The following CAPZB variants were observed in gnomAD, a reference collection of about 807,000 sequenced individuals.
CAPZB encodes the protein capping actin protein of muscle Z-line subunit beta.
A neutral mutation model predicts 38.1 loss-of-function variants in CAPZB; 2 were observed. That is an observed-to-expected ratio of 0.05 (90% CI 0.02 to 0.17). The LOEUF (loss-of-function observed/expected upper bound fraction) is 0.17, where lower values mean the gene tolerates loss of function less well. Among genes scored for constraint, CAPZB ranks in the 10% least tolerant of loss-of-function variants. The probability of loss-of-function intolerance (pLI) is 1.00; values close to 1 mark genes in which losing one functional copy is unlikely to be tolerated. For missense variants in CAPZB, 161 were observed against 334.2 expected (o/e 0.48, Z 4.04); for synonymous variants, 107 against 127.4 (o/e 0.84, Z 1.08).
intron 1 of CAPZB, among the ~76,000 whole-genome samples, chr1:19,449,902 G>A (rs564797308): frequency 3.3e-5 from 5 of 151,866 alleles, no homozygotes; most frequent in Non-Finnish European, 5.9e-5. Flanking sequence ...GCACTTTGAG[G>A]GGCTGAGTCA....
chr1:19,353,980 C>CT (rs2094006227), intron 6 of CAPZB, among the ~76,000 whole-genome samples: 1 of 152,254 alleles, frequency 6.6e-6, no homozygotes, highest in Admixed American at 6.5e-5. Flanking sequence ...ACTGAGCTGA[C>CT]TGCTCCATGC....
intron 1 of CAPZB, among the ~76,000 whole-genome samples, chr1:19,477,991 G>A (rs1427042545): frequency 3.3e-5 from 5 of 152,212 alleles, no homozygotes; most frequent in Non-Finnish European, 7.3e-5. Context: ...ATAAGATACC[G>A]AGCCTAACTC....
chr1:19,391,358 T>A (rs2094233750), intron 2 of CAPZB, among the ~76,000 whole-genome samples: 1 of 152,186 alleles, frequency 6.6e-6, no homozygotes. Flanking sequence ...CTCGGTTTTT[T>A]AAAAAATGGC....
At chr1:19,437,074 TATG>T (rs547868441) in intron 1 of CAPZB, among the ~76,000 whole-genome samples, 128 of 152,360 alleles carry the variant, frequency 8.4e-4, no homozygotes, top group African/African-American at 2.9e-3. Flanking sequence ...GGATGGCTGA[TATG>T]ATGATTCTTT....
chr1:19,380,808 G>A (rs10917434), intron 3 of CAPZB, among the ~76,000 whole-genome samples: 44,980 of 151,966 alleles, frequency 0.3, 6,971 homozygotes, highest in Middle Eastern at 0.37. Context: ...TCTTCTCTTC[G>A]GGTTGCTCAG....
At chr1:19,427,432 C>G (rs957956125) in intron 1 of CAPZB, among the ~76,000 whole-genome samples, 1 of 152,198 alleles carries the variant, frequency 6.6e-6, no homozygotes, top group Non-Finnish European at 1.5e-5. Flanking sequence ...GAATGACTTA[C>G]CACAAATTTA....
chr1:19,376,380 G>A (rs546243617), intron 4 of CAPZB, among the ~76,000 whole-genome samples: 41 of 152,316 alleles, frequency 2.7e-4, no homozygotes, highest in African/African-American at 9.6e-4. Flanking sequence ...ATCCTGAGAT[G>A]GCTCCCAAGA....
intron 1 of CAPZB, among the ~76,000 whole-genome samples, chr1:19,474,064 C>T (rs1405066374): frequency 1.3e-5 from 2 of 151,736 alleles, no homozygotes; most frequent in East Asian, 1.9e-4. Context: ...GATGTGATCT[C>T]GGCTCACTGC....
intron 1 of CAPZB, among the ~76,000 whole-genome samples, chr1:19,470,464 C>T (rs563381684): frequency 5.9e-5 from 9 of 152,282 alleles, no homozygotes; most frequent in Non-Finnish European, 1.2e-4. Flanking sequence ...CTCACAATGT[C>T]CTATTTGGAA....
chr1:19,463,050 T>C (rs1349401343), intron 1 of CAPZB, among the ~76,000 whole-genome samples: 2 of 152,192 alleles, frequency 1.3e-5, no homozygotes, highest in Admixed American at 6.5e-5. Flanking sequence ...TAATTTCTGT[T>C]CTCATCCAGC....
chr1:19,375,162 T>A (rs7519565), intron 4 of CAPZB, among the ~76,000 whole-genome samples: 28,872 of 152,168 alleles, frequency 0.19, 3,256 homozygotes, highest in South Asian at 0.3. Flanking sequence ...TGTACCACAA[T>A]GTACCAAGAT....
intron 1 of CAPZB, among the ~76,000 whole-genome samples, chr1:19,453,838 G>C (rs2094524447): frequency 6.6e-6 from 1 of 152,230 alleles, no homozygotes; most frequent in Non-Finnish European, 1.5e-5. Flanking sequence ...CTGAGCCCTT[G>C]CTGGGGGCTA....
chr1:19,473,842 C>G (rs115019210), intron 1 of CAPZB, among the ~76,000 whole-genome samples: 5 of 151,868 alleles, frequency 3.3e-5, no homozygotes, highest in Admixed American at 6.6e-5. Flanking sequence ...CCAGCCTAGG[C>G]AAAGAGAATG....
chr1:19,367,751 C>T (rs1339038603), intron 4 of CAPZB, among the ~76,000 whole-genome samples: 2 of 152,200 alleles, frequency 1.3e-5, no homozygotes, highest in Non-Finnish European at 2.9e-5. Context: ...ACTTAGAAGG[C>T]ACATCTGGAC....
chr1:19,351,722 T>C (rs2093992449), intron 6 of CAPZB, among the ~76,000 whole-genome samples: 1 of 152,204 alleles, frequency 6.6e-6, no homozygotes, highest in Non-Finnish European at 1.5e-5. Context: ...CTTCCTTTTA[T>C]GAGATCTCTC....
chr1:19,417,752 G>A (rs762994560), intron 2 of CAPZB, among the ~76,000 whole-genome samples: 2 of 152,022 alleles, frequency 1.3e-5, no homozygotes, highest in East Asian at 1.9e-4. Flanking sequence ...CACACTGCCC[G>A]ACCGCCCCCA....
At chr1:19,407,718 C>A (rs1015933294) in intron 2 of CAPZB, among the ~76,000 whole-genome samples, 20 of 152,272 alleles carry the variant, frequency 1.3e-4, no homozygotes, top group African/African-American at 4.8e-4. Flanking sequence ...CCGCCTTAGA[C>A]CATCCAGCCA....
intron 4 of CAPZB, among the ~76,000 whole-genome samples, chr1:19,368,641 G>A (rs1211802795): frequency 6.6e-6 from 1 of 151,268 alleles, no homozygotes; most frequent in African/African-American, 2.4e-5. Flanking sequence ...GGGGCTGCTG[G>A]CTGGGTCACT....
At chr1:19,465,035 C>T (rs1304221904) in intron 1 of CAPZB, among the ~76,000 whole-genome samples, 2 of 151,950 alleles carry the variant, frequency 1.3e-5, no homozygotes, top group Non-Finnish European at 2.9e-5. Context: ...TTATTACTTG[C>T]AAATAATACC....
Sources: allele counts gnomAD v4.1 joint callset (sites outside exome capture counted in the v4.1 genomes callset), GRCh38; gene constraint gnomAD v4.1.1; transcripts MANE v1.5; gene names NCBI Gene and HGNC (gene_info 2026-07-23, HGNC 2026-07-21).